The following HERC2 variants were observed in gnomAD, a reference collection of about 807,000 sequenced individuals.
The protein encoded by HERC2 is E3 ubiquitin-protein ligase HERC2.
A neutral mutation model predicts 537.7 loss-of-function variants in HERC2; 102 were observed. The observed-to-expected ratio is 0.19, with a 90% confidence interval of 0.16 to 0.22. The LOEUF is 0.22. Among genes scored for constraint, HERC2 ranks in the 10% least tolerant of loss-of-function variants. The pLI is 1.00. For missense variants in HERC2, 4,236 were observed against 6,198.2 expected, an observed-to-expected ratio of 0.68 and a Z score of 10.63; for synonymous variants, 2,224 against 2,466.2, an observed-to-expected ratio of 0.90 and a Z score of 2.91.
chr15:28,210,055 C>G (rs1276889561), intron 44 of HERC2, among the ~76,000 whole-genome samples: 8 of 150,836 alleles, frequency 5.3e-5, no homozygotes, highest in Non-Finnish European at 8.9e-5. Flanking sequence ...CTCCGCCCCC[C>G]GGTTCAAGTG....
In HERC2 at chr15:28,153,893, G is replaced by A. The variant is rs185510334; in HGVS notation, c.10747-1063C>T. ...AGCCCGGTGGGAGGGGCGGGAATCAGGAACCATCAAGCCGCTCAGGCCAGA... is the reference window on the plus strand; with the variant it reads ...AGCCCGGTGGGAGGGGCGGGAATCAAGAACCATCAAGCCGCTCAGGCCAGA... On this transcript the variant is annotated intron_variant, in intron 69 of 92. Coordinates refer to ENST00000261609, the MANE Select transcript of HERC2 (RefSeq NM_004667.6). Among the ~76,000 whole-genome samples the A allele has an allele frequency of 1.2e-3, 185 of 152,124 alleles. 2 individuals are homozygous for A. The highest frequency in any genetic ancestry group is 4.0e-3 in the African/African-American group (168 of 41,496).
chr15:28,247,743 A>C (rs1198909503), intron 21 of HERC2, among the ~76,000 whole-genome samples: 6 of 152,062 alleles, frequency 3.9e-5, no homozygotes, highest in Non-Finnish European at 8.8e-5. Flanking sequence ...CATGGTTCTT[A>C]ATAGCTTTTC....
In HERC2 at chr15:28,306,243, T is replaced by G. The variant is rs1232652915; in HGVS notation, c.73-6727A>C. Among the ~76,000 whole-genome samples the G allele has an allele frequency of 5.9e-5, 9 of 152,374 alleles. No individual in the cohort carries two copies. The East Asian group carries it at 1.7e-3, about 29-fold the overall frequency. ...CTTTTATTGCGTTGAGGTGTGTTCC[T>G]TCTATAACCAGTTTTTTGGGGGTTT... On this transcript the variant is annotated intron_variant, in intron 2 of 92. Coordinates refer to ENST00000261609, the MANE Select transcript of HERC2 (RefSeq NM_004667.6).
At position 28,113,469 on chromosome 15, in the gene HERC2, A is replaced by G. The variant is rs752231619; in HGVS notation, c.14019+104T>C. On this transcript the variant is annotated intron_variant, in intron 91 of 92. Transcript: ENST00000261609. The surrounding 1 kb of genome is among the most constrained non-coding windows in gnomAD (Gnocchi z 7.0). Reference sequence around the variant, plus strand: ...GACGCGCTCAGAGTGCACTCCCTTCAGTCAACACACAGGGCAAGGTTCTGA... The same window carrying G: ...GACGCGCTCAGAGTGCACTCCCTTCGGTCAACACACAGGGCAAGGTTCTGA... The G allele has an allele frequency of 9.1e-5, 103 of 1,133,812 alleles. No individual in the cohort carries two copies. Among genetic ancestry groups the G allele is most frequent in the Middle Eastern group, 2.6e-4 (1 of 3,798 alleles). 70.2% of individuals were successfully genotyped at this position (1,133,812 alleles called of 1,614,324 possible).
At chr15:28,292,790 T>C in intron 4 of HERC2, 98 bp downstream of exon 4, 6 of 1,248,868 alleles carry the variant, frequency 4.8e-6, no homozygotes, top group Admixed American at 2.5e-5. Context: ...TTACTTTTTT[T>C]AAAATTGTTA....
At chr15:28,303,357 G>C (rs2076687687) in intron 2 of HERC2, among the ~76,000 whole-genome samples, 3 of 151,928 alleles carry the variant, frequency 2.0e-5, no homozygotes, top group Admixed American at 2.0e-4. Context: ...CTGTTCCATT[G>C]GTCTAGGTGT....
chr15:28,297,704 G>C (rs912089787), intron 3 of HERC2, among the ~76,000 whole-genome samples: 2 of 152,184 alleles, frequency 1.3e-5, no homozygotes, highest in African/African-American at 4.8e-5. Flanking sequence ...TTGCCTCTGG[G>C]AAGAAGGGGC....
At chr15:28,112,974 C>G (rs1401568875) in intron 92 of HERC2, 97 bp downstream of exon 92, 1 of 909,310 alleles carries the variant, frequency 1.1e-6, no homozygotes, top group African/African-American at 1.7e-5. Context: ...ACTCAAGAGG[C>G]TCGTTTTCCA....
At chr15:28,135,720 T>C in intron 78 of HERC2, 28 bp from the exon 79 acceptor site, 1 of 1,554,666 alleles carries the variant, frequency 6.4e-7, no homozygotes, top group African/African-American at 1.4e-5. Flanking sequence ...AATAGTAACA[T>C]CAGTTTTTAA....
Position 28,142,873 on chromosome 15 carries a change from G to A in HERC2, c.11498C>T (p.Pro3833Leu), listed in dbSNP as rs757822447. The A allele has an allele frequency of 1.1e-5, 18 of 1,586,914 alleles. No individual in the cohort carries two copies. The Admixed American group carries it at 1.8e-4, about 16-fold the overall frequency. Residue 3833 changes from proline to leucine, a missense_variant, in exon 75 of 93, where the codon CCT (proline) becomes CTT (leucine). Physicochemically the swap from Pro to Leu is moderately conservative, Grantham distance 98. This residue lies in a region of HERC2 where 23 missense variants were observed against 60.0 expected (regional missense o/e 0.38). Coordinates refer to ENST00000261609, the MANE Select transcript of HERC2 (RefSeq NM_004667.6). ...ALQRQFEYED[P>L]IVRGGKQLLH... ...CAGCTGTTTGCCACCCCTCACAATA[G>A]GATCTTCATATTCAAACTGCCTTTG... is the stretch of plus-strand genomic sequence containing the variant.
Position 28,226,437 on chromosome 15 carries a change from G to C in HERC2, c.5464+1781C>G, listed in dbSNP as rs536507233. Among the ~76,000 whole-genome samples the C allele has an allele frequency of 6.8e-4, 104 of 151,872 alleles. 1 individual carries two copies. The highest frequency in any genetic ancestry group is 1.3e-3 in the Non-Finnish European group (90 of 68,016). On this transcript the variant is annotated intron_variant, in intron 35 of 92. Transcript: ENST00000261609. The stretch of plus-strand genomic sequence containing the variant: ...ACATATAGAATGTGATAATGTAATT[G>C]AGAGTCCAGAAATAAACCTAAATAT...
intron 85 of HERC2, 46 bp downstream of exon 85, chr15:28,123,991 C>G: frequency 6.8e-7 from 1 of 1,464,498 alleles, no homozygotes; most frequent in African/African-American, 1.4e-5. Flanking sequence ...GTTACATGTA[C>G]TGAAGACACC....
intron 20 of HERC2, among the ~76,000 whole-genome samples, chr15:28,251,202 G>A (rs1472258348): frequency 6.6e-6 from 1 of 152,186 alleles, no homozygotes; most frequent in Non-Finnish European, 1.5e-5. Context: ...CAACACTTTT[G>A]GAGGCCAAGG....
chr15:28,236,542 C>T (rs1254420806), intron 26 of HERC2, among the ~76,000 whole-genome samples: 6 of 152,002 alleles, frequency 3.9e-5, no homozygotes, highest in Non-Finnish European at 7.3e-5. Flanking sequence ...CCACCCGCCT[C>T]AGCCTCCCAA....
chr15:28,214,658 T>G lies in HERC2; in HGVS notation c.6355A>C (p.Arg2119=). 7 of 1,611,986 alleles carry G rather than the reference T, an allele frequency of 4.3e-6. No homozygotes were observed. Among genetic ancestry groups the G allele is most frequent in the Non-Finnish European group, 5.9e-6 (7 of 1,179,820 alleles). ...GGGAAGGTAGACGGCCACCCACCTC[T>G]GAGTAATGGCACGTCAGAGGAGCAG... ...TTCSSDVPLL[R]ESTLRRRRVR... Residue 2119 remains arginine, a synonymous_variant, in exon 40 of 93, where the codon AGA becomes CGA. Coordinates refer to ENST00000261609, the MANE Select transcript of HERC2 (RefSeq NM_004667.6).
At chr15:28,193,649 C>T (rs1897064476) in intron 52 of HERC2, among the ~76,000 whole-genome samples, 1 of 152,098 alleles carries the variant, frequency 6.6e-6, no homozygotes, top group African/African-American at 2.4e-5. Flanking sequence ...CATCTCCATG[C>T]ACATGTAAAA....
At position 28,111,919 on chromosome 15, in the gene HERC2, G is replaced by A. The variant is rs768941431; in HGVS notation, c.14349C>T (p.Tyr4783=). 12 of 1,614,060 alleles carry A rather than the reference G, an allele frequency of 7.4e-6. No individual in the cohort carries two copies. Among genetic ancestry groups the A allele is most frequent in the Non-Finnish European group, 1.0e-5 (12 of 1,180,042 alleles). ...CKQVLEEKLK[Y]AIHFCKSIDT... is the part of the protein sequence containing the mutation. ...CTATGGACTTGCAGAAGTGGATGGC[G>A]TACTTGAGCTTCTCCTCCAGCACCT... The change falls in exon 93 of 93, where the codon TAC becomes TAT. Residue 4783 remains tyrosine (Y), a synonymous_variant. Coordinates refer to ENST00000261609, the MANE Select transcript of HERC2 (RefSeq NM_004667.6).
chr15:28,318,097 C>G (rs2077137000), intron 2 of HERC2, among the ~76,000 whole-genome samples: 1 of 152,110 alleles, frequency 6.6e-6, no homozygotes, highest in African/African-American at 2.4e-5. Flanking sequence ...GGCGAACAGG[C>G]ATGTGTTTTA....
intron 23 of HERC2, among the ~76,000 whole-genome samples, chr15:28,245,604 CAG>C (rs1215596880): frequency 1.7e-4 from 22 of 131,082 alleles, no homozygotes; most frequent in Non-Finnish European, 1.8e-4. Flanking sequence ...CACACACACA[CAG>C]ATATATATAT....
Sources: gnomAD v4.1 joint callset for allele counts (sites outside exome capture counted in the v4.1 genomes callset) on GRCh38, gnomAD v4.1.1 for gene constraint, gnomAD v4.1.1 regional missense constraint, Gnocchi (gnomAD v3.1) non-coding constraint, MANE v1.5 for transcripts, NCBI Gene and HGNC (gene_info 2026-07-23, HGNC 2026-07-21) for gene names.